The following MYBL2 variants were observed in gnomAD, a reference collection of about 807,000 sequenced individuals.
MYBL2 encodes myb-related protein B.
Under a neutral mutation model 79.9 loss-of-function variants are expected in MYBL2, and 28 were observed. That is an observed-to-expected ratio of 0.35 (90% CI 0.26 to 0.48). The LOEUF (loss-of-function observed/expected upper bound fraction) is 0.48. Ranked by LOEUF, MYBL2 falls within the 20% of genes least tolerant of loss-of-function variation. The pLI, the probability that MYBL2 is intolerant of heterozygous loss-of-function variation, is 0.99. For synonymous variants in MYBL2, 378 were observed against 361.2 expected (o/e 1.05, Z -0.53); for missense variants, 735 against 893.9 (o/e 0.82, Z 2.27).
At chr20:43,668,427 C>T (rs1175618701) in intron 1 of MYBL2, among the ~76,000 whole-genome samples, 1 of 152,058 alleles carries the variant, frequency 6.6e-6, no homozygotes, top group Non-Finnish European at 1.5e-5. Context: ...GTCTCGATCT[C>T]CTGACCTTGT....
rs767911779 is a variant in MYBL2 at position 43,673,865 on chromosome 20, A to G, written c.80A>G (p.Asp27Gly). 23 of 1,555,106 alleles carry G rather than the reference A, an allele frequency of 1.5e-5. No homozygotes were observed. The highest frequency in any genetic ancestry group is 2.0e-5 in the Non-Finnish European group (23 of 1,148,572). ...GATTCAGATGTGCCGGAGCAGAGGG[A>G]TAGCAAGTGCAAGGTCAAATGGACC... is the stretch of plus-strand genomic sequence containing the variant. ...DTDSDVPEQR[D>G]SKCKVKWTHE... The change falls in exon 2 of 14, where the codon GAT becomes GGT. Residue 27 changes from aspartate to glycine, a missense_variant. Transcript: ENST00000217026.
At chr20:43,674,226 C>CCG (rs1403369652) in intron 2 of MYBL2, among the ~76,000 whole-genome samples, 2 of 106,182 alleles carry the variant, frequency 1.9e-5, no homozygotes, top group African/African-American at 3.1e-5. Flanking sequence ...TCTGTAACTC[C>CCG]CCCCACCCTT....
At position 43,698,080 on chromosome 20, in the gene MYBL2, T is replaced by TTG. The variant is rs149530290; in HGVS notation, c.664-1677_664-1676insTG. Among the ~76,000 whole-genome samples the TTG allele has an allele frequency of 7.7e-3, 944 of 122,462 alleles. 20 individuals are homozygous for TTG. The highest frequency in any genetic ancestry group is 0.027 in the African/African-American group (887 of 32,474). The allele number at this position is 122,462 out of a possible 152,430, so 80.3% of individuals were successfully genotyped here. ...GGTTGTCTTTTTTTTTTTTTTTTTT[T>TTG]ATCTTGTTACTGGTTTGTACATTTT... is the stretch of plus-strand genomic sequence containing the variant. On this transcript the variant is annotated intron_variant, in intron 6 of 13. Transcript: ENST00000217026.
chr20:43,712,784 G>A (rs764991858), intron 11 of MYBL2, among the ~76,000 whole-genome samples: 1 of 152,152 alleles, frequency 6.6e-6, no homozygotes, highest in Non-Finnish European at 1.5e-5. Context: ...TGGCAGGATA[G>A]GGTCTACCTT....
intron 2 of MYBL2, among the ~76,000 whole-genome samples, chr20:43,678,282 C>A (rs1304055948): frequency 2.0e-5 from 3 of 149,290 alleles, no homozygotes; most frequent in Non-Finnish European, 4.4e-5. Context: ...CTGCGAGAAA[C>A]ACCCAAGAAT....
intron 1 of MYBL2, 108 bp downstream of exon 1, chr20:43,667,411 G>C (rs1986744495): frequency 1.2e-6 from 1 of 800,404 alleles, no homozygotes; most frequent in Non-Finnish European, 1.7e-6. Context: ...TGGGGTGTGT[G>C]TGTGTGTTGG....
rs149629146 is a variant in MYBL2, at chr20:43,669,202, A to G, written c.20+1899A>G. 7.2e-4 allele frequency among the ~76,000 whole-genome samples: 110 copies of G among 152,048 alleles called. No individual in the cohort carries two copies. The East Asian group carries it at 0.019, about 26-fold the overall frequency. ...GCCTCGCGTTGTGTCTCACCTCACTATGTTACCCAGGCTGGTCTCGAACTC... is the reference window on the plus strand; with the variant it reads ...GCCTCGCGTTGTGTCTCACCTCACTGTGTTACCCAGGCTGGTCTCGAACTC... On this transcript the variant is annotated intron_variant, in intron 1 of 13. Coordinates refer to ENST00000217026, the MANE Select transcript of MYBL2 (RefSeq NM_002466.4).
chr20:43,682,591 G>T (rs1447299110), intron 3 of MYBL2, among the ~76,000 whole-genome samples: 1 of 152,224 alleles, frequency 6.6e-6, no homozygotes, highest in African/African-American at 2.4e-5. Context: ...GACCGAGTTT[G>T]CCCTCTCGTG....
Position 43,686,815 on chromosome 20 carries a change from G to A in MYBL2, c.280-37G>A, listed in dbSNP as rs775984676. ...GGGCTATGGTGGGGGCGAGAGAGGG[G>A]CCGGTGCAAGTGGCTACCCAGAGAC... is the stretch of plus-strand genomic sequence containing the variant. On this transcript the variant is annotated intron_variant, in intron 4 of 13. Transcript: ENST00000217026. 1.8e-5 allele frequency: 29 copies of A among 1,599,710 alleles called. No individual in the cohort carries two copies. The East Asian group carries it at 2.2e-4, about 12-fold the overall frequency.
chr20:43,702,883 C>G lies in MYBL2; in HGVS notation c.1345C>G (p.Leu449Val). The change falls in exon 8 of 14, where the codon CTG (leucine) becomes GTG (valine). Residue 449 changes from leucine (L) to valine (V), a missense_variant. Coordinates refer to ENST00000217026, the MANE Select transcript of MYBL2 (RefSeq NM_002466.4). ...LTPKSTPVKT[L>V]PFSPSQFLNF... Reference sequence around the variant, plus strand: ...GCCCAAGAGCACACCTGTTAAGACCCTGCCCTTCTCGCCCTCCCAGGTGCG... The same window carrying G: ...GCCCAAGAGCACACCTGTTAAGACCGTGCCCTTCTCGCCCTCCCAGGTGCG... The G allele has an allele frequency of 6.3e-7, 1 of 1,596,560 alleles. No homozygotes were observed. The highest frequency in any genetic ancestry group is 8.6e-7 in the Non-Finnish European group (1 of 1,166,234).
intron 9 of MYBL2, among the ~76,000 whole-genome samples, chr20:43,707,962 G>T (rs1223266936): frequency 6.6e-6 from 1 of 152,062 alleles, no homozygotes; most frequent in East Asian, 1.9e-4. Flanking sequence ...TTAATCTTCG[G>T]AGAACATGAT....
rs1987865915 is a variant in MYBL2, at chr20:43,709,835, G to A, written c.1506-128G>A. ...CCCTGACTTGGACCTGCAGGGTGGG[G>A]AGAGGGATGGGACGAGAACCTGTGC... On this transcript the variant is annotated intron_variant, in intron 9 of 13. Transcript: ENST00000217026. 4.2e-6 allele frequency: 3 copies of A among 715,396 alleles called. No individual in the cohort carries two copies. In the South Asian group the frequency reaches 6.4e-5, roughly 15 times the overall value. 44.3% of individuals were successfully genotyped at this position (715,396 alleles called of 1,614,324 possible). A position where few individuals can be genotyped will look rare whatever the true frequency, so the allele number is the denominator to read the frequency against.
At chr20:43,695,254 T>A (rs1987508900) in intron 6 of MYBL2, among the ~76,000 whole-genome samples, 1 of 152,094 alleles carries the variant, frequency 6.6e-6, no homozygotes, top group South Asian at 2.1e-4. Flanking sequence ...TTGGCCAGGC[T>A]GGTCTTGAAC....
chr20:43,680,840 A>G (rs1206528429), intron 2 of MYBL2, among the ~76,000 whole-genome samples: 1 of 152,202 alleles, frequency 6.6e-6, no homozygotes, highest in African/African-American at 2.4e-5. Context: ...AAAACTTTAT[A>G]TATAATTAAC....
intron 11 of MYBL2, among the ~76,000 whole-genome samples, chr20:43,712,009 C>G (rs1987918534): frequency 6.6e-6 from 1 of 151,838 alleles, no homozygotes; most frequent in South Asian, 2.1e-4. Flanking sequence ...CCAAAGGAAT[C>G]TTTTGGGTGG....
intron 6 of MYBL2, among the ~76,000 whole-genome samples, chr20:43,699,190 C>T (rs1190642781): frequency 1.3e-5 from 2 of 152,012 alleles, no homozygotes; most frequent in African/African-American, 4.8e-5. Flanking sequence ...AGGTGCCTGC[C>T]ACCACACCTG....
At chr20:43,681,153 C>T (rs1987131865) in intron 2 of MYBL2, among the ~76,000 whole-genome samples, 1 of 152,150 alleles carries the variant, frequency 6.6e-6, no homozygotes, top group Admixed American at 6.6e-5. Context: ...AGATACTAGC[C>T]TGTCTTCTAA....
chr20:43,705,891 A>G (rs889407641), intron 9 of MYBL2, among the ~76,000 whole-genome samples: 3 of 151,190 alleles, frequency 2.0e-5, no homozygotes, highest in African/African-American at 7.3e-5. Context: ...TAGTAGAGAC[A>G]GGATTTCACC....
chr20:43,716,252 G>T lies in MYBL2; in HGVS notation c.*165G>T. 2 of 1,033,168 alleles carry T rather than the reference G, an allele frequency of 1.9e-6. No homozygotes were observed. Among genetic ancestry groups the T allele is most frequent in the Non-Finnish European group, 1.3e-6 (1 of 747,504 alleles). 64.0% of individuals were successfully genotyped at this position (1,033,168 alleles called of 1,614,324 possible). On this transcript the variant is annotated 3_prime_UTR_variant, in exon 14 of 14. Transcript: ENST00000217026. ...AGGCAACAGGGCCATGTGCTGCCCTGTTGCCGAGCCCAGCTGTGGGCGGCT... is the reference window on the plus strand; with the variant it reads ...AGGCAACAGGGCCATGTGCTGCCCTTTTGCCGAGCCCAGCTGTGGGCGGCT...
Sources: gnomAD v4.1 joint callset for allele counts (sites outside exome capture counted in the v4.1 genomes callset) on GRCh38, gnomAD v4.1.1 for gene constraint, MANE v1.5 for transcripts, NCBI Gene and HGNC (gene_info 2026-07-23, HGNC 2026-07-21) for gene names.